The following SYT1 variants were observed in gnomAD, a reference collection of about 807,000 sequenced individuals.
SYT1 encodes the protein synaptotagmin-1.
Under a neutral mutation model 44.8 loss-of-function variants are expected in SYT1, and 8 were observed. That is an observed-to-expected ratio of 0.18 (90% CI 0.10 to 0.32). The LOEUF (loss-of-function observed/expected upper bound fraction) is 0.32. Among genes scored for constraint, SYT1 ranks in the 10% least tolerant of loss-of-function variants. The pLI, the probability that SYT1 is intolerant of heterozygous loss-of-function variation, is 1.00. For synonymous variants in SYT1, 154 were observed against 188.8 expected, an observed-to-expected ratio of 0.82 and a Z score of 1.51; for missense variants, 286 against 509.3, an observed-to-expected ratio of 0.56 and a Z score of 4.22.
At chr12:78,950,606 A>G (rs146970220) in intron 1 of SYT1, among the ~76,000 whole-genome samples, 1 of 152,298 alleles carries the variant, frequency 6.6e-6, no homozygotes, top group Non-Finnish European at 1.5e-5. Flanking sequence ...AAAGACACAT[A>G]CATAATATAC....
intron 3 of SYT1, among the ~76,000 whole-genome samples, chr12:79,150,166 A>G (rs1452811220): frequency 6.6e-6 from 1 of 152,080 alleles, no homozygotes; most frequent in Admixed American, 6.6e-5. Flanking sequence ...AGCATTTAAA[A>G]TCTACTCTTT....
intron 1 of SYT1, among the ~76,000 whole-genome samples, chr12:78,898,152 A>C (rs1252768974): frequency 6.7e-6 from 1 of 149,804 alleles, no homozygotes; most frequent in Non-Finnish European, 1.5e-5. Flanking sequence ...TGTTGAGCAA[A>C]TTACTTAAAC....
chr12:79,256,271 A>G (rs1877510977), intron 4 of SYT1, among the ~76,000 whole-genome samples: 1 of 152,252 alleles, frequency 6.6e-6, no homozygotes, highest in Non-Finnish European at 1.5e-5. Flanking sequence ...CCAATTTTCA[A>G]CAGCACAGGT....
At chr12:79,310,481 G>A (rs912095233) in intron 8 of SYT1, among the ~76,000 whole-genome samples, 1 of 152,170 alleles carries the variant, frequency 6.6e-6, no homozygotes, top group South Asian at 2.1e-4. Context: ...TTTGGCTTAG[G>A]ATTGACTTGG....
At chr12:78,939,582 C>G (rs916752696) in intron 1 of SYT1, among the ~76,000 whole-genome samples, 2 of 152,090 alleles carry the variant, frequency 1.3e-5, no homozygotes, top group Non-Finnish European at 2.9e-5. Flanking sequence ...ATACCTAATC[C>G]AGTCCCTTGT....
intron 3 of SYT1, among the ~76,000 whole-genome samples, chr12:79,084,009 G>C (rs918379439): frequency 6.6e-6 from 1 of 152,134 alleles, no homozygotes; most frequent in African/African-American, 2.4e-5. Flanking sequence ...GGCAGGTTGA[G>C]GGTGTCCTAT....
intron 1 of SYT1, among the ~76,000 whole-genome samples, chr12:78,876,748 ATTGT>A (rs1357558754): frequency 2.2e-4 from 16 of 71,538 alleles, no homozygotes; most frequent in South Asian, 9.2e-4. Flanking sequence ...TATATTATAT[ATTGT>A]ATATTATATA....
chr12:79,391,778 G>A (rs1884666688), intron 9 of SYT1, among the ~76,000 whole-genome samples: 1 of 152,108 alleles, frequency 6.6e-6, no homozygotes, highest in African/African-American at 2.4e-5. Flanking sequence ...ATTTATTTTT[G>A]TTCAGAATGA....
chr12:79,387,735 T>G (rs1884490462), intron 9 of SYT1, among the ~76,000 whole-genome samples: 2 of 152,232 alleles, frequency 1.3e-5, no homozygotes, highest in African/African-American at 4.8e-5. Flanking sequence ...GAATTCTCTT[T>G]TAATATGCAT....
chr12:79,147,083 C>T (rs774802834), intron 3 of SYT1, among the ~76,000 whole-genome samples: 2 of 152,106 alleles, frequency 1.3e-5, no homozygotes, highest in Non-Finnish European at 2.9e-5. Flanking sequence ...TTATGATTTG[C>T]CTGCCTTGGC....
At chr12:79,295,780 C>G (rs562167023) in intron 6 of SYT1, among the ~76,000 whole-genome samples, 2 of 152,266 alleles carry the variant, frequency 1.3e-5, no homozygotes, top group African/African-American at 2.4e-5. Flanking sequence ...GATTACAACT[C>G]TTTTGCAAAA....
At chr12:78,972,881 G>A (rs985824163) in intron 1 of SYT1, among the ~76,000 whole-genome samples, 2 of 151,962 alleles carry the variant, frequency 1.3e-5, no homozygotes, top group East Asian at 3.9e-4. Context: ...TCTAAACTGA[G>A]AATAACTAAA....
chr12:78,883,230 A>G (rs1159631063), intron 1 of SYT1, among the ~76,000 whole-genome samples: 2 of 151,700 alleles, frequency 1.3e-5, no homozygotes, highest in Admixed American at 6.6e-5. Flanking sequence ...TAAGTCCTCT[A>G]TGATTGCAGG....
intron 2 of SYT1, among the ~76,000 whole-genome samples, chr12:79,035,411 T>G (rs1024945130): frequency 6.6e-6 from 1 of 151,740 alleles, no homozygotes; most frequent in Non-Finnish European, 1.5e-5. Context: ...CTTAGAGCAC[T>G]TTGTAAAGAT....
chr12:79,350,728 T>G (rs1882863748), intron 8 of SYT1, among the ~76,000 whole-genome samples: 1 of 152,152 alleles, frequency 6.6e-6, no homozygotes, highest in South Asian at 2.1e-4. Context: ...GGTAGACAAT[T>G]ATTAAAGCTA....
chr12:79,139,313 G>A (rs572094918), intron 3 of SYT1, among the ~76,000 whole-genome samples: 2 of 152,260 alleles, frequency 1.3e-5, no homozygotes, highest in Admixed American at 6.5e-5. Flanking sequence ...AGCAATGAGG[G>A]AGCTTCATTC....
At chr12:79,245,012 A>G (rs1678340237) in intron 4 of SYT1, among the ~76,000 whole-genome samples, 2 of 152,164 alleles carry the variant, frequency 1.3e-5, no homozygotes, top group African/African-American at 4.8e-5. Flanking sequence ...TATGGCTACA[A>G]GATAAGGTAT....
intron 2 of SYT1, among the ~76,000 whole-genome samples, chr12:78,992,200 C>T (rs1259421727): frequency 6.6e-6 from 1 of 152,186 alleles, no homozygotes. Flanking sequence ...AACAGTTATG[C>T]TCAGACACCT....
chr12:78,886,808 G>A (rs1874777174), intron 1 of SYT1, among the ~76,000 whole-genome samples: 1 of 151,914 alleles, frequency 6.6e-6, no homozygotes, highest in African/African-American at 2.4e-5. Flanking sequence ...TAAAGACAAT[G>A]GATATTTAAA....
Sources: gnomAD v4.1 joint callset for allele counts (sites outside exome capture counted in the v4.1 genomes callset) on GRCh38, gnomAD v4.1.1 for gene constraint, MANE v1.5 for transcripts, NCBI Gene and HGNC (gene_info 2026-07-23, HGNC 2026-07-21) for gene names.